Variants in EIF3F observed in about 807,000 individuals in gnomAD.
EIF3F encodes eukaryotic translation initiation factor 3 subunit F.
Under a neutral mutation model 36.0 loss-of-function variants are expected in EIF3F, and 8 were observed. The ratio of observed to expected loss-of-function variants is 0.22; its 90% CI spans 0.13 to 0.40. EIF3F has a LOEUF of 0.40. Among genes scored for constraint, EIF3F ranks in the 10% least tolerant of loss-of-function variants. The probability of loss-of-function intolerance (pLI) is 1.00; values close to 1 mark genes in which losing one functional copy is unlikely to be tolerated. For synonymous variants in EIF3F, 184 were observed against 188.5 expected (o/e 0.98, Z 0.19); for missense variants, 430 against 467.6 (o/e 0.92, Z 0.74).
At chr11:7,989,625 T>G (rs1025153336) in intron 1 of EIF3F, among the ~76,000 whole-genome samples, 2 of 148,808 alleles carry the variant, frequency 1.3e-5, no homozygotes, top group African/African-American at 2.5e-5. Flanking sequence ...AAACTCAAGA[T>G]AGAAGTGTAC....
intron 1 of EIF3F, among the ~76,000 whole-genome samples, chr11:7,989,432 G>A (rs1942065587): frequency 6.6e-6 from 1 of 152,180 alleles, no homozygotes; most frequent in Non-Finnish European, 1.5e-5. Flanking sequence ...TGCTATAGGT[G>A]TTATAGAGGC....
At position 8,000,622 on chromosome 11, in the gene EIF3F, CATT is replaced by C. The variant is rs547833037; in HGVS notation, c.*4601_*4603del. 7.9e-4 allele frequency: 120 copies of C among 152,254 alleles called. No homozygotes were observed. The highest frequency in any genetic ancestry group is 2.8e-3 in the African/African-American group (117 of 41,540). The allele number at this position is 152,254 out of a possible 1,614,324, so 9.4% of individuals were successfully genotyped here. ...AATGTGTACATATATCAAAACATCACATTGTACAAAATACATACAGTTTTTGTC... is the reference window on the plus strand; with the variant it reads ...AATGTGTACATATATCAAAACATCACGTACAAAATACATACAGTTTTTGTC... On this transcript the variant is annotated 3_prime_UTR_variant, in exon 8 of 8. Coordinates refer to ENST00000651655, the MANE Select transcript of EIF3F (RefSeq NM_003754.3).
Position 7,995,931 on chromosome 11 carries a change from T to A in EIF3F, c.997-14T>A. ...ACCCAACCCCCCACTCATTGTGTAT[T>A]CTTTGTCTTCCAGGACCTTTTGATG... On this transcript the variant is annotated splice_polypyrimidine_tract_variant and intron_variant, in intron 7 of 7. Transcript: ENST00000651655. 1 of 1,613,542 alleles carries A rather than the reference T, an allele frequency of 6.2e-7. No homozygotes were observed. The highest frequency in any genetic ancestry group is 8.5e-7 in the Non-Finnish European group (1 of 1,179,498).
rs1327856610 is a variant in EIF3F, at chr11:7,999,378, G to A, written c.*3356G>A. 1 of 152,156 alleles carries A rather than the reference G, an allele frequency of 6.6e-6. No individual in the cohort carries two copies. The highest frequency in any genetic ancestry group is 2.4e-5 in the African/African-American group (1 of 41,436). The allele number at this position is 152,156 out of a possible 1,614,324, so 9.4% of individuals were successfully genotyped here. A position where few individuals can be genotyped will look rare whatever the true frequency, so the allele number is the denominator to read the frequency against. On this transcript the variant is annotated 3_prime_UTR_variant, in exon 8 of 8. Coordinates refer to ENST00000651655, the MANE Select transcript of EIF3F (RefSeq NM_003754.3). ...GAAACATGAGATGTAATCACTTGAAGGCATATCATGTTCTTGAATAAGAAG... is the reference window on the plus strand; with the variant it reads ...GAAACATGAGATGTAATCACTTGAAAGCATATCATGTTCTTGAATAAGAAG...
rs1167623241 is a variant in EIF3F, at chr11:7,999,713, G to C, written c.*3691G>C. The C allele has an allele frequency of 6.6e-6, 1 of 152,184 alleles. No homozygotes were observed. Among genetic ancestry groups the C allele is most frequent in the Non-Finnish European group, 1.5e-5 (1 of 68,022 alleles). 9.4% of individuals were successfully genotyped at this position (152,184 alleles called of 1,614,324 possible). A position where few individuals can be genotyped will look rare whatever the true frequency, so the allele number is the denominator to read the frequency against. Reference sequence around the variant, plus strand: ...GAGAAAAGGGAACCCTTTTACACTTGGTGTGAATGTAAATTAGTACAGACA... The same window carrying C: ...GAGAAAAGGGAACCCTTTTACACTTCGTGTGAATGTAAATTAGTACAGACA... On this transcript the variant is annotated 3_prime_UTR_variant, in exon 8 of 8. Coordinates refer to ENST00000651655, the MANE Select transcript of EIF3F (RefSeq NM_003754.3).
chr11:7,996,088 A>G lies in EIF3F; in HGVS notation c.*66A>G. 6.6e-7 allele frequency: 1 copy of G among 1,517,478 alleles called. No individual in the cohort carries two copies. Among genetic ancestry groups the G allele is most frequent in the Non-Finnish European group, 9.2e-7 (1 of 1,092,690 alleles). The allele number at this position is 1,517,478 out of a possible 1,614,324, so 94.0% of individuals were successfully genotyped here. A position where few individuals can be genotyped will look rare whatever the true frequency, so the allele number is the denominator to read the frequency against. On this transcript the variant is annotated 3_prime_UTR_variant, in exon 8 of 8. Transcript: ENST00000651655. Reference sequence around the variant, plus strand: ...CCCAGGACTCAGAAGTGAAGGAGAAATGGGTTTTTTGTGGTCTTGAGTCAC... The same window carrying G: ...CCCAGGACTCAGAAGTGAAGGAGAAGTGGGTTTTTTGTGGTCTTGAGTCAC...
rs2133677770 is a variant in EIF3F, at chr11:7,999,261, T to G, written c.*3239T>G. Reference sequence around the variant, plus strand: ...CCAGCCTGGGTGACAGCAAGATCCTTTCTCAAGAAAAAAAGTGAAAAGGAG... The same window carrying G: ...CCAGCCTGGGTGACAGCAAGATCCTGTCTCAAGAAAAAAAGTGAAAAGGAG... On this transcript the variant is annotated 3_prime_UTR_variant, in exon 8 of 8. Coordinates refer to ENST00000651655, the MANE Select transcript of EIF3F (RefSeq NM_003754.3). 6.6e-6 allele frequency: 1 copy of G among 152,236 alleles called. No individual in the cohort carries two copies. Among genetic ancestry groups the G allele is most frequent in the South Asian group, 2.1e-4 (1 of 4,820 alleles). 9.4% of individuals were successfully genotyped at this position (152,236 alleles called of 1,614,324 possible). A position where few individuals can be genotyped will look rare whatever the true frequency, so the allele number is the denominator to read the frequency against.
rs1032750806 is a variant in EIF3F at position 7,997,136 on chromosome 11, G to C, written c.*1114G>C. The C allele has an allele frequency of 6.6e-6, 1 of 152,190 alleles. No individual in the cohort carries two copies. Among genetic ancestry groups the C allele is most frequent in the African/African-American group, 2.4e-5 (1 of 41,452 alleles). The allele number at this position is 152,190 out of a possible 1,614,324, so 9.4% of individuals were successfully genotyped here. A position where few individuals can be genotyped will look rare whatever the true frequency, so the allele number is the denominator to read the frequency against. The stretch of plus-strand genomic sequence containing the variant: ...ATGTACCTCAGGAAATATAAGTTAT[G>C]GGAGTCATAAAGTGTGGATAGTAAT... On this transcript the variant is annotated 3_prime_UTR_variant, in exon 8 of 8. Coordinates refer to ENST00000651655, the MANE Select transcript of EIF3F (RefSeq NM_003754.3).
intron 3 of EIF3F, 81 bp from the exon 4 acceptor site, chr11:7,992,806 C>T (rs1023502156): frequency 6.3e-7 from 1 of 1,596,988 alleles, no homozygotes; most frequent in Non-Finnish European, 8.6e-7. Context: ...GTCCGGTACC[C>T]TGAAGACACC....
intron 7 of EIF3F, 124 bp from the exon 8 acceptor site, chr11:7,995,821 T>G: frequency 2.5e-6 from 2 of 796,012 alleles, no homozygotes; most frequent in Non-Finnish European, 4.5e-6. Flanking sequence ...ATTCAGTCTC[T>G]CCTAGCTGTC....
rs769062706 is a variant in EIF3F, at chr11:7,992,094, A to C, written c.446A>C (p.Asp149Ala). The stretch of plus-strand genomic sequence containing the variant: ...TGCCTTCCCTCTTAGGTGGCTGTTG[A>C]CATGGAATTTGCTAAGAATATGTAT... The part of the protein sequence containing the change: ...HNESEDEVAV[D>A]MEFAKNMYEL... The change falls in exon 3 of 8, where the codon GAC (aspartate) becomes GCC (alanine). Residue 149 changes from aspartate (D) to alanine (A), a missense_variant. This residue lies in a region of EIF3F where 262 missense variants were observed against 347.4 expected (regional missense o/e 0.75). Transcript: ENST00000651655. The C allele has an allele frequency of 6.2e-7, 1 of 1,613,622 alleles. No individual in the cohort carries two copies. Among genetic ancestry groups the C allele is most frequent in the Admixed American group, 1.7e-5 (1 of 60,012 alleles).
At chr11:7,988,216 C>G (rs577506904) in intron 1 of EIF3F, among the ~76,000 whole-genome samples, 2 of 152,274 alleles carry the variant, frequency 1.3e-5, no homozygotes, top group Non-Finnish European at 2.9e-5. Context: ...GGAGTGGGGA[C>G]GTTTGTAAAA....
Position 7,999,434 on chromosome 11 carries a change from T to C in EIF3F, c.*3412T>C, listed in dbSNP as rs1043587423. The C allele has an allele frequency of 6.6e-6, 1 of 152,226 alleles. No homozygotes were observed. Among genetic ancestry groups the C allele is most frequent in the Admixed American group, 6.5e-5 (1 of 15,278 alleles). The allele number at this position is 152,226 out of a possible 1,614,324, so 9.4% of individuals were successfully genotyped here. On this transcript the variant is annotated 3_prime_UTR_variant, in exon 8 of 8. Transcript: ENST00000651655. The stretch of plus-strand genomic sequence containing the variant: ...ACATTATTTTAACAGGTGTTAATTT[T>C]CCCTGTTAAACTACATATTTGTCAT...
rs923895867 is a variant in EIF3F, at chr11:7,987,625, G to C, written c.273G>C (p.Val91=). 1.9e-6 allele frequency: 3 copies of C among 1,581,022 alleles called. No homozygotes were observed. The highest frequency in any genetic ancestry group is 2.7e-5 in the African/African-American group (2 of 73,668). ...CAGGGCCCTTCCCCGGCGGCCGCGT[G>C]GTCAGGCTGCACCCAGTCATTTTGG... ...ALPGPFPGGR[V]VRLHPVILAS... Residue 91 remains valine, a synonymous_variant, in exon 1 of 8, where the codon GTG becomes GTC. Coordinates refer to ENST00000651655, the MANE Select transcript of EIF3F (RefSeq NM_003754.3).
At position 7,999,080 on chromosome 11, in the gene EIF3F, A is replaced by G. The variant is rs6578919; in HGVS notation, c.*3058A>G. 0.52 allele frequency: 78,861 copies of G among 151,988 alleles called. 21,781 individuals are homozygous for G. Among genetic ancestry groups the G allele is most frequent in the African/African-American group, 0.7 (28,941 of 41,448 alleles). The allele number at this position is 151,988 out of a possible 1,614,324, so 9.4% of individuals were successfully genotyped here. A position where few individuals can be genotyped will look rare whatever the true frequency, so the allele number is the denominator to read the frequency against. On this transcript the variant is annotated 3_prime_UTR_variant, in exon 8 of 8. Coordinates refer to ENST00000651655, the MANE Select transcript of EIF3F (RefSeq NM_003754.3). The stretch of plus-strand genomic sequence containing the variant: ...TCAAGACCAGCGTGGCCAACATGGC[A>G]AAACCCCGTCTCTACTAAAAAAAAA...
chr11:7,992,678 G>A, intron 3 of EIF3F: 1 of 641,260 alleles, frequency 1.6e-6, no homozygotes, highest in South Asian at 1.9e-5. Context: ...GAATTACCTT[G>A]TAAGTGACTT....
At chr11:7,991,481 G>A (rs1216598321) in intron 1 of EIF3F, among the ~76,000 whole-genome samples, 1 of 152,118 alleles carries the variant, frequency 6.6e-6, no homozygotes, top group East Asian at 1.9e-4. Context: ...GAAAAAAAAG[G>A]CCGTAGAGTG....
At chr11:7,994,943 CACCACTGCCGCT>C in intron 5 of EIF3F, 27 bp from the exon 6 acceptor site, 1 of 1,607,128 alleles carries the variant, frequency 6.2e-7, no homozygotes, top group Non-Finnish European at 8.5e-7. Context: ...TCTTACTGCC[CACCACTGCCGCT>C]GCCACCCTGC....
chr11:7,995,198 G>GT, intron 6 of EIF3F, 56 bp from the exon 7 acceptor site: 1 of 1,604,184 alleles, frequency 6.2e-7, no homozygotes, highest in Admixed American at 1.7e-5. Context: ...TGATGAAATG[G>GT]TAGGGCTCAG....
Sources: gnomAD v4.1 joint callset for allele counts (sites outside exome capture counted in the v4.1 genomes callset) on GRCh38, gnomAD v4.1.1 for gene constraint, gnomAD v4.1.1 regional missense constraint, MANE v1.5 for transcripts, NCBI Gene and HGNC (gene_info 2026-07-23, HGNC 2026-07-21) for gene names.